The following DYSF variants were observed in gnomAD, a reference collection of about 807,000 sequenced individuals.
DYSF encodes the protein dysferlin, also known as dystrophy-associated fer-1-like 1.
DYSF carries 212 observed loss-of-function variants against 274.9 expected under a neutral mutation model. The ratio of observed to expected loss-of-function variants is 0.77; its 90% confidence interval spans 0.69 to 0.86. DYSF has a LOEUF of 0.86. DYSF is among the 40% of genes least tolerant of loss of function. The probability of loss-of-function intolerance (pLI) is 0.00; values close to 1 mark genes in which losing one functional copy is unlikely to be tolerated. For synonymous variants in DYSF, 1,091 were observed against 1,078.7 expected, an observed-to-expected ratio of 1.01 and a Z score of -0.22; for missense variants, 2,666 against 2,783.2, an observed-to-expected ratio of 0.96 and a Z score of 0.95.
chr2:71,624,529 T>C (rs2094170855), intron 41 of DYSF, among the ~76,000 whole-genome samples: 1 of 152,188 alleles, frequency 6.6e-6, no homozygotes, highest in South Asian at 2.1e-4. Context: ...TTATTGTTGC[T>C]GAAAGGCCCT....
At chr2:71,526,470 C>T in intron 13 of DYSF, 124 bp downstream of exon 13, 1 of 1,376,620 alleles carries the variant, frequency 7.3e-7, no homozygotes, top group East Asian at 2.4e-5. Context: ...GGAAAACAAT[C>T]AGAATTTAAC....
In DYSF at chr2:71,664,278, C is replaced by T; in HGVS notation, c.5014C>T (p.Leu1672=). ...CTGCCCCTCCTGCAGGATGTTCGAG[C>T]TGACCTGCACTCTGCCTCTGGAGAA... ...LEPVFGKMFE[L]TCTLPLEKDL... is the part of the protein sequence containing the mutation. Residue 1672 remains leucine (L), a synonymous_variant, in exon 46 of 56, where the codon CTG becomes TTG. Coordinates refer to ENST00000410020, the MANE Select transcript of DYSF (RefSeq NM_001130987.2). 6.2e-7 allele frequency: 1 copy of T among 1,614,128 alleles called. No homozygotes were observed.
intron 36 of DYSF, among the ~76,000 whole-genome samples, chr2:71,603,390 A>T (rs2152862513): frequency 6.6e-6 from 1 of 152,274 alleles, no homozygotes; most frequent in Non-Finnish European, 1.5e-5. Flanking sequence ...CCTCCTGTGC[A>T]TCTGTGGGTG....
intron 42 of DYSF, among the ~76,000 whole-genome samples, chr2:71,651,991 T>G (rs2094672185): frequency 6.6e-6 from 1 of 152,222 alleles, no homozygotes; most frequent in Admixed American, 6.5e-5. Flanking sequence ...GGAGTTTCCT[T>G]AATGTTAAAA....
At chr2:71,584,239 C>A (rs2092991785) in intron 30 of DYSF, among the ~76,000 whole-genome samples, 1 of 152,054 alleles carries the variant, frequency 6.6e-6, no homozygotes, top group African/African-American at 2.4e-5. Flanking sequence ...GCCTCTCCTG[C>A]AGCTTGGCTC....
intron 17 of DYSF, among the ~76,000 whole-genome samples, chr2:71,542,024 G>A (rs2089967981): frequency 6.6e-6 from 1 of 152,192 alleles, no homozygotes; most frequent in South Asian, 2.1e-4. Context: ...ATGGACAGCT[G>A]AAGGCAGAGT....
intron 35 of DYSF, 39 bp from the exon 36 acceptor site, chr2:71,602,737 C>G: frequency 6.2e-7 from 1 of 1,609,344 alleles, no homozygotes; most frequent in Non-Finnish European, 8.5e-7. Flanking sequence ...CCCCTCTCAC[C>G]ATCTCCTGGA....
intron 1 of DYSF, among the ~76,000 whole-genome samples, chr2:71,478,942 G>A (rs918514731): frequency 2.6e-5 from 4 of 151,922 alleles, no homozygotes; most frequent in Non-Finnish European, 5.9e-5. Flanking sequence ...ACCTGGCAGG[G>A]CGGGGCCGAC....
intron 11 of DYSF, 117 bp downstream of exon 11, chr2:71,520,325 T>C: frequency 1.7e-6 from 2 of 1,171,836 alleles, no homozygotes; most frequent in Non-Finnish European, 2.6e-6. Context: ...GAGGAAGGGT[T>C]TGATCTTGGG....
chr2:71,539,781 A>G (rs114534652), intron 17 of DYSF, among the ~76,000 whole-genome samples: 2,599 of 152,352 alleles, frequency 0.017, 38 homozygotes, highest in Admixed American at 0.023. Flanking sequence ...TATTTAATAC[A>G]TGGGTATGTG....
rs1400090311 is a variant in DYSF, at chr2:71,612,631, C to T, written c.4222-10C>T. The T allele has an allele frequency of 6.2e-7, 1 of 1,613,696 alleles. No individual in the cohort carries two copies. The highest frequency in any genetic ancestry group is 8.5e-7 in the Non-Finnish European group (1 of 1,179,672). On this transcript the variant is annotated splice_polypyrimidine_tract_variant and intron_variant, in intron 38 of 55. Coordinates refer to ENST00000410020, the MANE Select transcript of DYSF (RefSeq NM_001130987.2). ...GATTCAGGCCAGTGCGTTCTTCCTC[C>T]TCCACCCAGATGCTGCCCAGGGAGG...
chr2:71,621,905 C>T (rs1396700023), intron 41 of DYSF, among the ~76,000 whole-genome samples: 5 of 151,916 alleles, frequency 3.3e-5, no homozygotes, highest in Admixed American at 6.6e-5. Flanking sequence ...ATGATCTGCC[C>T]GCCTCGGCCT....
rs572888272 is a variant in DYSF at position 71,461,288 on chromosome 2, C to T, written c.88+7202C>T. On this transcript the variant is annotated intron_variant, in intron 1 of 54. Coordinates refer to the DYSF transcript ENST00000258104. ...TGTGCAGTCATTTGCCAGAGGGACCCGTCTAGACCCCAGGATATCAGGGAC... is the reference window on the plus strand; with the variant it reads ...TGTGCAGTCATTTGCCAGAGGGACCTGTCTAGACCCCAGGATATCAGGGAC... Among the ~76,000 whole-genome samples the T allele has an allele frequency of 3.9e-5, 6 of 152,278 alleles. No homozygotes were observed. In the East Asian group the frequency reaches 1.2e-3, roughly 29 times the overall value.
At chr2:71,514,209 G>A (rs2086418807) in intron 7 of DYSF, among the ~76,000 whole-genome samples, 1 of 148,416 alleles carries the variant, frequency 6.7e-6, no homozygotes, top group Admixed American at 6.7e-5. Flanking sequence ...TCTCTGATCA[G>A]AGAAAAACCT....
chr2:71,657,611 G>A (rs946104833), intron 43 of DYSF, among the ~76,000 whole-genome samples: 28 of 152,276 alleles, frequency 1.8e-4, no homozygotes, highest in African/African-American at 6.5e-4. Context: ...CTGAAATCTG[G>A]GTGGAGGTTC....
chr2:71,503,107 T>C, intron 3 of DYSF, 107 bp from the exon 4 acceptor site: 1 of 979,104 alleles, frequency 1.0e-6, no homozygotes. Flanking sequence ...GGTGACTGTG[T>C]GGTCTAGGCA....
At chr2:71,665,022 T>G in intron 46 of DYSF, 140 bp from the exon 47 acceptor site, 1 of 1,340,360 alleles carries the variant, frequency 7.5e-7, no homozygotes, top group Non-Finnish European at 1.1e-6. Context: ...CCAGTCATGG[T>G]GAGCAATCAG....
intron 16 of DYSF, among the ~76,000 whole-genome samples, chr2:71,536,533 A>G (rs1025800240): frequency 1.2e-4 from 19 of 152,320 alleles, no homozygotes; most frequent in Admixed American, 1.2e-3. Flanking sequence ...ACTGCGGGCG[A>G]TGAGCTGTGC....
At chr2:71,631,438 C>G (rs2094310521) in intron 41 of DYSF, among the ~76,000 whole-genome samples, 1 of 152,142 alleles carries the variant, frequency 6.6e-6, no homozygotes, top group South Asian at 2.1e-4. Context: ...AAAATATCAC[C>G]CGTTCAGAAG....
Sources: allele counts gnomAD v4.1 joint callset (sites outside exome capture counted in the v4.1 genomes callset), GRCh38; gene constraint gnomAD v4.1.1; transcripts MANE v1.5; gene names NCBI Gene and HGNC (gene_info 2026-07-23, HGNC 2026-07-21).